Variants in FHAD1 observed in about 807,000 individuals in gnomAD.
FHAD1 encodes the protein forkhead associated phosphopeptide binding domain 1.
FHAD1 carries 146 observed loss-of-function variants against 191.3 expected under a neutral mutation model. The ratio of observed to expected loss-of-function variants is 0.76; its 90% confidence interval spans 0.67 to 0.88. The LOEUF (loss-of-function observed/expected upper bound fraction) is 0.88, where lower values mean the gene tolerates loss of function less well. Among genes scored for constraint, FHAD1 ranks in the 40% least tolerant of loss-of-function variants. The probability of loss-of-function intolerance (pLI) is 0.00; values close to 1 mark genes in which losing one functional copy is unlikely to be tolerated. For synonymous variants in FHAD1, 616 were observed against 672.3 expected (o/e 0.92, Z 1.29); for missense variants, 1,635 against 1,785.8 (o/e 0.92, Z 1.52).
At chr1:15,367,437 C>CT (rs1696832921) in intron 24 of FHAD1, 26 bp from the exon 25 acceptor site, 6 of 1,546,680 alleles carry the variant, frequency 3.9e-6, no homozygotes, top group Non-Finnish European at 4.4e-6. Context: ...CAGAGACCCC[C>CT]TTACCGGCCC....
At chr1:15,337,162 C>G (rs917229512) in intron 14 of FHAD1, among the ~76,000 whole-genome samples, 1 of 152,198 alleles carries the variant, frequency 6.6e-6, no homozygotes, top group Admixed American at 6.5e-5. Flanking sequence ...TTCATTCACA[C>G]AAGGACCCTG....
upstream of FHAD1, among the ~76,000 whole-genome samples, chr1:15,245,353 T>C (rs1645886678): frequency 6.6e-6 from 1 of 152,256 alleles, no homozygotes; most frequent in Non-Finnish European, 1.5e-5. Context: ...CTTATTTTTA[T>C]TTGCTTTTGC....
chr1:15,379,522 G>T (rs1261371066), intron 28 of FHAD1, among the ~76,000 whole-genome samples: 1 of 152,146 alleles, frequency 6.6e-6, no homozygotes, highest in African/African-American at 2.4e-5. Flanking sequence ...ACTGCAAGAG[G>T]CATGCCTTCC....
At position 15,308,656 on chromosome 1, in the gene FHAD1, C is replaced by T. The variant is rs763424963; in HGVS notation, c.959C>T (p.Thr320Ile). The change falls in exon 7 of 34, where the codon ACC (threonine) becomes ATC (isoleucine). Residue 320 changes from threonine to isoleucine, a missense_variant. Physicochemically the swap from Thr to Ile is moderately conservative, Grantham distance 89 (BLOSUM62 -1). Coordinates refer to ENST00000688493, the MANE Select transcript of FHAD1 (RefSeq NM_001391957.1). ...QKGYSKVLCQ[T>I]LSERNSEITS... ...GGCTACAGCAAGGTGCTGTGCCAGA[C>T]CCTGTCAGAGCGGAACTCAGAAATC... The T allele has an allele frequency of 7.1e-6, 11 of 1,551,612 alleles. No individual in the cohort carries two copies. The highest frequency in any genetic ancestry group is 9.6e-6 in the Non-Finnish European group (11 of 1,147,010).
intron 10 of FHAD1, among the ~76,000 whole-genome samples, chr1:15,323,816 C>G (rs1209639573): frequency 6.6e-6 from 1 of 152,190 alleles, no homozygotes; most frequent in Admixed American, 6.5e-5. Flanking sequence ...CTTTAAACGC[C>G]TTCTTTTGCA....
Position 15,346,654 on chromosome 1 carries a change from A to G in FHAD1, c.2346+1131A>G, listed in dbSNP as rs572767917. ...CTAGCTTTTGGGAAAGCTCTGTCAC[A>G]TTTGTGGATTCATGTTTAGCTTGTG... On this transcript the variant is annotated intron_variant, in intron 18 of 33. Coordinates refer to ENST00000688493, the MANE Select transcript of FHAD1 (RefSeq NM_001391957.1). Among the ~76,000 whole-genome samples, 77 of 152,346 alleles carry G rather than the reference A, an allele frequency of 5.1e-4. 1 individual carries two copies. The highest frequency in any genetic ancestry group is 8.7e-4 in the Non-Finnish European group (59 of 68,030).
intron 1 of FHAD1, among the ~76,000 whole-genome samples, chr1:15,239,290 G>A (rs1032157478): frequency 1.3e-5 from 2 of 152,096 alleles, no homozygotes; most frequent in African/African-American, 4.8e-5. Context: ...ATGCTTGGGT[G>A]AACAAGAAAA....
chr1:15,284,258 A>C (rs1314045122), intron 3 of FHAD1, among the ~76,000 whole-genome samples: 1 of 152,160 alleles, frequency 6.6e-6, no homozygotes, highest in Non-Finnish European at 1.5e-5. Context: ...AGGCGGGCGG[A>C]TCACGAGGTT....
intron 3 of FHAD1, among the ~76,000 whole-genome samples, chr1:15,277,478 C>T (rs1032170423): frequency 6.6e-6 from 1 of 152,192 alleles, no homozygotes; most frequent in African/African-American, 2.4e-5. Context: ...CATCCCATCA[C>T]TGTATAAACT....
At chr1:15,267,770 T>A (rs1182440196) in intron 2 of FHAD1, among the ~76,000 whole-genome samples, 1 of 143,634 alleles carries the variant, frequency 7.0e-6, no homozygotes, top group Non-Finnish European at 1.5e-5. Context: ...TATATCATTA[T>A]AAATAATATA....
At chr1:15,386,365 C>T (rs567088528) in intron 31 of FHAD1, among the ~76,000 whole-genome samples, 2 of 152,364 alleles carry the variant, frequency 1.3e-5, no homozygotes, top group South Asian at 2.1e-4. Context: ...GAGCCGGCAG[C>T]GCCTTTGTAA....
At chr1:15,269,007 A>T (rs528732193) in intron 2 of FHAD1, among the ~76,000 whole-genome samples, 2 of 152,036 alleles carry the variant, frequency 1.3e-5, no homozygotes, top group East Asian at 3.9e-4. Context: ...TATCCATGGG[A>T]TCAGCTGTGA....
chr1:15,292,135 CTTCTT>C (rs934476977), intron 4 of FHAD1, among the ~76,000 whole-genome samples: 2 of 151,496 alleles, frequency 1.3e-5, no homozygotes, highest in South Asian at 2.1e-4. Flanking sequence ...TTCTTCCTTC[CTTCTT>C]TTCTTTTCTT....
chr1:15,311,530 G>C lies in FHAD1; in HGVS notation c.1040-1527G>C. On this transcript the variant is annotated intron_variant, in intron 7 of 33. Transcript: ENST00000688493. This position sits in a 1 kb window ranked among gnomAD's most constrained non-coding sequence, Gnocchi z 4.1. Reference sequence around the variant, plus strand: ...AAAGCATGCAGGCAAGCCCCAGAGAGAGCAGTCTGTTTCTAAGGAACTTAA... The same window carrying C: ...AAAGCATGCAGGCAAGCCCCAGAGACAGCAGTCTGTTTCTAAGGAACTTAA... Among the ~76,000 whole-genome samples the C allele has an allele frequency of 6.6e-6, 1 of 152,192 alleles. No homozygotes were observed. The highest frequency in any genetic ancestry group is 1.9e-4 in the East Asian group (1 of 5,198).
At chr1:15,275,133 T>G (rs1260225989) in intron 3 of FHAD1, among the ~76,000 whole-genome samples, 1 of 152,066 alleles carries the variant, frequency 6.6e-6, no homozygotes, top group Non-Finnish European at 1.5e-5. Context: ...TGGCTAATTT[T>G]TTGTATTTTT....
Position 15,238,691 on chromosome 1 carries a change from A to C in FHAD1, c.-15+1930A>C, listed in dbSNP as rs577437057. On this transcript the variant is annotated intron_variant, in intron 1 of 33. Coordinates refer to the FHAD1 transcript ENST00000683790. ...CCCCTGTGCCTCCTTCCCCAGGCCC[A>C]ACTGTTTCTTTATAGGATAAATCAA... Among the ~76,000 whole-genome samples, 8 of 152,328 alleles carry C rather than the reference A, an allele frequency of 5.3e-5. No individual in the cohort carries two copies. The South Asian group carries it at 1.4e-3, about 28-fold the overall frequency.
downstream of FHAD1, chr1:15,400,296 G>T (rs899352639): frequency 1.3e-5 from 2 of 152,212 alleles, no homozygotes; most frequent in Non-Finnish European, 2.9e-5. Context: ...ACTGTAGTCA[G>T]GTCTATGTAT....
intron 21 of FHAD1, among the ~76,000 whole-genome samples, chr1:15,360,263 C>G (rs2102645709): frequency 6.6e-6 from 1 of 152,340 alleles, no homozygotes; most frequent in East Asian, 1.9e-4. Context: ...GAGGGCCTCT[C>G]AGAGGACGTG....
chr1:15,379,409 G>A lies in FHAD1; in HGVS notation c.3706-1292G>A, dbSNP rs373593180. Among the ~76,000 whole-genome samples, 26 of 152,336 alleles carry A rather than the reference G, an allele frequency of 1.7e-4. No homozygotes were observed. In the East Asian group the frequency reaches 1.9e-3, roughly 11 times the overall value. On this transcript the variant is annotated intron_variant, in intron 28 of 33. Coordinates refer to ENST00000688493, the MANE Select transcript of FHAD1 (RefSeq NM_001391957.1). ...CATGTCCCATCTCCAGCCCTAAGGC[G>A]GTTTTTCCCTATCTCAGTAGATGGA...
Sources: gnomAD v4.1 joint callset for allele counts (sites outside exome capture counted in the v4.1 genomes callset) on GRCh38, gnomAD v4.1.1 for gene constraint, Gnocchi (gnomAD v3.1) non-coding constraint, MANE v1.5 for transcripts, NCBI Gene and HGNC (gene_info 2026-07-23, HGNC 2026-07-21) for gene names.